Variants in PCDHGA3 observed in about 807,000 individuals in gnomAD.
PCDHGA3 encodes the protein protocadherin gamma subfamily A, 3, also known as protocadherin gamma-A3.
PCDHGA3 carries 40 observed loss-of-function variants against 58.5 expected under a neutral mutation model. That is an observed-to-expected ratio of 0.68 (90% CI 0.53 to 0.89). The LOEUF is 0.89. Ranked by LOEUF, PCDHGA3 falls within the 40% of genes least tolerant of loss-of-function variation. The pLI, the probability that PCDHGA3 is intolerant of heterozygous loss-of-function variation, is 0.00. For synonymous variants in PCDHGA3, 530 were observed against 525.7 expected, an observed-to-expected ratio of 1.01 and a Z score of -0.11; for missense variants, 1,223 against 1,195.9, an observed-to-expected ratio of 1.02 and a Z score of -0.33.
intron 1 of PCDHGA3, among the ~76,000 whole-genome samples, chr5:141,455,803 A>G (rs1197986124): frequency 6.6e-6 from 1 of 152,068 alleles, no homozygotes; most frequent in Non-Finnish European, 1.5e-5. Context: ...TGCTTTAAAA[A>G]ATGAAAACTT....
At chr5:141,395,498 C>T (rs1055094075) in intron 1 of PCDHGA3, 1 of 484,580 alleles carries the variant, frequency 2.1e-6, no homozygotes, top group Non-Finnish European at 3.6e-6. Context: ...CACTCATTCA[C>T]TTAAGAAGTA....
chr5:141,350,333 G>A (rs768228050), intron 1 of PCDHGA3: 15 of 1,537,750 alleles, frequency 9.8e-6, no homozygotes, highest in Non-Finnish European at 1.2e-5. Flanking sequence ...TTTGTTCTGC[G>A]GGGCCATCTC....
chr5:141,501,013 C>A (rs1456343329), intron 2 of PCDHGA3, among the ~76,000 whole-genome samples: 6 of 151,970 alleles, frequency 3.9e-5, no homozygotes, highest in Non-Finnish European at 8.8e-5. Flanking sequence ...GGACTACAGG[C>A]ACGCGCCACC....
intron 1 of PCDHGA3, chr5:141,393,962 CTG>C: frequency 6.2e-7 from 1 of 1,613,894 alleles, no homozygotes; most frequent in Non-Finnish European, 8.5e-7. Context: ...GTCAAGTTGT[CTG>C]TTACACACGT....
Position 141,410,369 on chromosome 5 carries a change from A to T in PCDHGA3, c.2424+63912A>T, listed in dbSNP as rs754541017. Reference sequence around the variant, plus strand: ...CCTGCGACGCTCTCTCAGCCCTGCTACTTGGGACTGCTTCCATCCTGGTCT... The same window carrying T: ...CCTGCGACGCTCTCTCAGCCCTGCTTCTTGGGACTGCTTCCATCCTGGTCT... On this transcript the variant is annotated intron_variant, in intron 1 of 3. Coordinates refer to ENST00000253812, the MANE Select transcript of PCDHGA3 (RefSeq NM_018916.4). The T allele has an allele frequency of 5.6e-6, 9 of 1,613,836 alleles. No homozygotes were observed. The African/African-American group carries it at 1.2e-4, about 22-fold the overall frequency.
At chr5:141,376,643 A>G (rs1465583488) in intron 1 of PCDHGA3, 17 of 1,013,920 alleles carry the variant, frequency 1.7e-5, no homozygotes, top group Non-Finnish European at 2.4e-5. Context: ...GATTTTGTAA[A>G]GTGGAAGACT....
intron 1 of PCDHGA3, among the ~76,000 whole-genome samples, chr5:141,443,789 A>G (rs1316614117): frequency 6.6e-6 from 1 of 152,234 alleles, no homozygotes; most frequent in East Asian, 1.9e-4. Context: ...GACAAAAAAA[A>G]TGAAAAGGAA....
At position 141,477,744 on chromosome 5, in the gene PCDHGA3, G is replaced by A; in HGVS notation, c.2425-17063G>A. On this transcript the variant is annotated intron_variant, in intron 1 of 3. Coordinates refer to ENST00000253812, the MANE Select transcript of PCDHGA3 (RefSeq NM_018916.4). The surrounding 1 kb of genome is among the most constrained non-coding windows in gnomAD (Gnocchi z 4.9). Reference sequence around the variant, plus strand: ...TTAACAGCTCATATCAGCGATGGGGGCACCCCGGTCCTAGCCACCAACATC... The same window carrying A: ...TTAACAGCTCATATCAGCGATGGGGACACCCCGGTCCTAGCCACCAACATC... 6.2e-7 allele frequency: 1 copy of A among 1,613,778 alleles called. No homozygotes were observed. The highest frequency in any genetic ancestry group is 8.5e-7 in the Non-Finnish European group (1 of 1,180,028).
chr5:141,420,244 C>A lies in PCDHGA3; in HGVS notation c.2424+73787C>A, dbSNP rs755775597. On this transcript the variant is annotated intron_variant, in intron 1 of 3. Coordinates refer to ENST00000253812, the MANE Select transcript of PCDHGA3 (RefSeq NM_018916.4). ...TACTGGCTAGCATTTTAACTCCCAGCGTTGAAGCAGATAAGAAGATTCTTA... is the reference window on the plus strand; with the variant it reads ...TACTGGCTAGCATTTTAACTCCCAGAGTTGAAGCAGATAAGAAGATTCTTA... 83 of 1,584,438 alleles carry A rather than the reference C, an allele frequency of 5.2e-5. 1 individual carries two copies. The South Asian group carries it at 9.4e-4, about 18-fold the overall frequency.
chr5:141,478,409 G>A, intron 1 of PCDHGA3: 1 of 1,613,016 alleles, frequency 6.2e-7, no homozygotes, highest in South Asian at 1.1e-5. Flanking sequence ...TCTCACCACG[G>A]ACTCCCGCCG....
At chr5:141,349,984 C>T (rs769244141) in intron 1 of PCDHGA3, 1 of 306,668 alleles carries the variant, frequency 3.3e-6, no homozygotes. Flanking sequence ...CAAGAGGTTG[C>T]GCTTTGAGGA....
At chr5:141,372,516 A>C in intron 1 of PCDHGA3, 1 of 1,613,902 alleles carries the variant, frequency 6.2e-7, no homozygotes, top group Non-Finnish European at 8.5e-7. Context: ...CCTCGCGGTG[A>C]TTCTGGCAAT....
chr5:141,345,960 G>A lies in PCDHGA3; in HGVS notation c.1927G>A (p.Val643Met). ...LDRDALKQSL[V>M]VAVQDHGQPP... ...CAGAGACGCGCTCAAGCAGAGCCTC[G>A]TGGTGGCCGTCCAGGACCACGGCCA... Residue 643 changes from valine to methionine, a missense_variant, in exon 1 of 4, where the codon GTG becomes ATG. Physicochemically the swap from Val to Met is conservative, Grantham distance 21. Transcript: ENST00000253812. 9 of 1,613,574 alleles carry A rather than the reference G, an allele frequency of 5.6e-6. No individual in the cohort carries two copies. The highest frequency in any genetic ancestry group is 6.8e-6 in the Non-Finnish European group (8 of 1,179,872).
chr5:141,486,504 A>G lies in PCDHGA3; in HGVS notation c.2425-8303A>G. ...AGTACCCACAGAACTATTTTCCTCA[A>G]TATTTCAGATGTGAATGATAATCCA... On this transcript the variant is annotated intron_variant, in intron 1 of 3. Transcript: ENST00000253812. The surrounding 1 kb of genome is among the most constrained non-coding windows in gnomAD (Gnocchi z 5.0). 7.4e-6 allele frequency: 12 copies of G among 1,614,100 alleles called. No individual in the cohort carries two copies. Among genetic ancestry groups the G allele is most frequent in the Non-Finnish European group, 1.0e-5 (12 of 1,179,986 alleles).
At position 141,431,209 on chromosome 5, in the gene PCDHGA3, G is replaced by C; in HGVS notation, c.2425-63598G>C. Reference sequence around the variant, plus strand: ...TTAGTGAAAATGCAGCCACTGAGATGCGGTTCCCTCTACCCCACGCCTGGG... The same window carrying C: ...TTAGTGAAAATGCAGCCACTGAGATCCGGTTCCCTCTACCCCACGCCTGGG... On this transcript the variant is annotated intron_variant, in intron 1 of 3. Coordinates refer to ENST00000253812, the MANE Select transcript of PCDHGA3 (RefSeq NM_018916.4). The surrounding 1 kb of genome is among the most constrained non-coding windows in gnomAD (Gnocchi z 4.8). 6.2e-7 allele frequency: 1 copy of C among 1,614,190 alleles called. No homozygotes were observed. Among genetic ancestry groups the C allele is most frequent in the Non-Finnish European group, 8.5e-7 (1 of 1,180,038 alleles).
intron 1 of PCDHGA3, chr5:141,385,418 A>C: frequency 6.8e-7 from 1 of 1,466,614 alleles, no homozygotes; most frequent in Non-Finnish European, 9.0e-7. Flanking sequence ...ATAGGGATTT[A>C]AAAAACTTTA....
rs113341686 is a variant in PCDHGA3, at chr5:141,488,763, G to A, written c.2425-6044G>A. Among the ~76,000 whole-genome samples the A allele has an allele frequency of 6.6e-4, 101 of 152,264 alleles. 1 individual carries two copies. The highest frequency in any genetic ancestry group is 1.7e-3 in the African/African-American group (69 of 41,544). ...ATGCAGGAAGTTGCTGGGACAGAACGCTGAGGAGTTTTGTATCACTTTGTC... is the reference window on the plus strand; with the variant it reads ...ATGCAGGAAGTTGCTGGGACAGAACACTGAGGAGTTTTGTATCACTTTGTC... On this transcript the variant is annotated intron_variant, in intron 1 of 3. Coordinates refer to ENST00000253812, the MANE Select transcript of PCDHGA3 (RefSeq NM_018916.4).
At position 141,375,584 on chromosome 5, in the gene PCDHGA3, C is replaced by T. The variant is rs555182663; in HGVS notation, c.2424+29127C>T. The stretch of plus-strand genomic sequence containing the variant: ...AGAAGACACCCTCCAGGGGGCGCCC[C>T]TGTCCTCCTACGTGTCCATCAACTC... On this transcript the variant is annotated intron_variant, in intron 1 of 3. Coordinates refer to ENST00000253812, the MANE Select transcript of PCDHGA3 (RefSeq NM_018916.4). 2.3e-5 allele frequency: 37 copies of T among 1,614,178 alleles called. 2 individuals carry two copies. The South Asian group carries it at 3.8e-4, about 17-fold the overall frequency.
Position 141,511,159 on chromosome 5 carries a change from AAGG to A in PCDHGA3, c.2788_2790del (p.Glu930del), listed in dbSNP as rs1477173987. 3 of 1,614,186 alleles carry A rather than the reference AAGG, an allele frequency of 1.9e-6. No individual in the cohort carries two copies. The highest frequency in any genetic ancestry group is 2.2e-5 in the East Asian group (1 of 44,872). On this transcript the variant is annotated inframe_deletion, in exon 4 of 4. Coordinates refer to ENST00000253812, the MANE Select transcript of PCDHGA3 (RefSeq NM_018916.4). ...TGGCAACAAGAAGAAGTCGGGCAAG[AAGG>A]AGAAGAAGTAACATGGAGGCCAGGC... is the stretch of plus-strand genomic sequence containing the variant.
Sources: allele counts gnomAD v4.1 joint callset (sites outside exome capture counted in the v4.1 genomes callset), GRCh38; gene constraint gnomAD v4.1.1; non-coding constraint Gnocchi (gnomAD v3.1); transcripts MANE v1.5; gene names NCBI Gene and HGNC (gene_info 2026-07-23, HGNC 2026-07-21).